SUMF1: variants seen among roughly 807,000 people sequenced by gnomAD.
SUMF1 encodes sulfatase modifying factor 1, also known as formylglycine-generating enzyme.
Under a neutral mutation model 47.6 loss-of-function variants are expected in SUMF1, and 48 were observed. That is an observed-to-expected ratio of 1.01 (90% confidence interval 0.80 to 1.28). The LOEUF is 1.28. Among genes scored for constraint, SUMF1 ranks in the 50% most tolerant of loss-of-function variants. The pLI is 0.00. For missense variants in SUMF1, 571 were observed against 485.4 expected, an observed-to-expected ratio of 1.18 and a Z score of -1.66; for synonymous variants, 230 against 192.1, an observed-to-expected ratio of 1.20 and a Z score of -1.63.
chr3:4,066,527 G>A (rs954339100), intron 9 of SUMF1, among the ~76,000 whole-genome samples: 5 of 151,958 alleles, frequency 3.3e-5, no homozygotes, highest in Non-Finnish European at 7.4e-5. Flanking sequence ...CGACCCTCAG[G>A]CTTCCCAGAT....
chr3:4,146,037 A>G (rs1352859576), intron 8 of SUMF1, among the ~76,000 whole-genome samples: 1 of 152,110 alleles, frequency 6.6e-6, no homozygotes, highest in Non-Finnish European at 1.5e-5. Flanking sequence ...GTGAAGCCCC[A>G]TTTATTCCAG....
rs554017576 is a variant in SUMF1 at position 4,455,696 on chromosome 3, G to A, written c.271-2647C>T. Among the ~76,000 whole-genome samples, 203 of 152,134 alleles carry A rather than the reference G, an allele frequency of 1.3e-3. 1 individual carries two copies. The highest frequency in any genetic ancestry group is 4.6e-3 in the African/African-American group (191 of 41,510). On this transcript the variant is annotated intron_variant, in intron 1 of 8. Transcript: ENST00000272902. ...TGCACCACTGTACTCCAGCCTGGGC[G>A]ACACAGCAAGACTCCGTTTCAAATA... is the stretch of plus-strand genomic sequence containing the variant.
At chr3:4,076,896 C>T (rs1024968510) in intron 8 of SUMF1, among the ~76,000 whole-genome samples, 15 of 151,832 alleles carry the variant, frequency 9.9e-5, no homozygotes, top group Admixed American at 2.0e-4. Flanking sequence ...CCCAGCTACT[C>T]GGGAGGCTGA....
Position 4,137,390 on chromosome 3 carries a change from C to T in SUMF1, c.1015-68645G>A, listed in dbSNP as rs112605726. Among the ~76,000 whole-genome samples the T allele has an allele frequency of 1.4e-3, 202 of 149,326 alleles. 2 individuals carry two copies. Among genetic ancestry groups the T allele is most frequent in the African/African-American group, 4.5e-3 (183 of 40,414 alleles). Reference sequence around the variant, plus strand: ...TGCAAGAACAAAAAACCAAACACCGCATGTTCTCACTCATAGGTGGGAATT... The same window carrying T: ...TGCAAGAACAAAAAACCAAACACCGTATGTTCTCACTCATAGGTGGGAATT... On this transcript the variant is annotated intron_variant and NMD_transcript_variant, in intron 8 of 12. Coordinates refer to the SUMF1 transcript ENST00000448413.
intron 1 of SUMF1, among the ~76,000 whole-genome samples, chr3:4,464,158 C>T (rs574819639): frequency 1.3e-5 from 2 of 152,312 alleles, no homozygotes; most frequent in African/African-American, 2.4e-5. Context: ...GCACACACCA[C>T]GCATTTCCAC....
chr3:4,378,571 T>C (rs9864595), intron 7 of SUMF1, among the ~76,000 whole-genome samples: 1 of 152,080 alleles, frequency 6.6e-6, no homozygotes, highest in Admixed American at 6.5e-5. Flanking sequence ...AAAAGCTACG[T>C]GTCAAAATAA....
chr3:4,193,451 G>T (rs1695363779), intron 8 of SUMF1, among the ~76,000 whole-genome samples: 1 of 152,124 alleles, frequency 6.6e-6, no homozygotes, highest in Non-Finnish European at 1.5e-5. Flanking sequence ...AGTGCAGGTG[G>T]ACTGGGGACA....
downstream of SUMF1, among the ~76,000 whole-genome samples, chr3:4,356,789 G>C (rs73121657): frequency 0.016 from 2,370 of 152,272 alleles, 59 homozygotes; most frequent in African/African-American, 0.053. Context: ...CTGGAAACTG[G>C]ATAACTGAGC....
intron 8 of SUMF1, among the ~76,000 whole-genome samples, chr3:4,093,310 C>G (rs990571900): frequency 2.0e-5 from 3 of 152,070 alleles, no homozygotes; most frequent in Non-Finnish European, 4.4e-5. Context: ...ATATGTCAAT[C>G]ACTCTTAGGC....
intron 8 of SUMF1, among the ~76,000 whole-genome samples, chr3:4,177,251 A>C (rs1310035838): frequency 6.6e-6 from 1 of 152,170 alleles, no homozygotes; most frequent in African/African-American, 2.4e-5. Context: ...TCTCAGTACC[A>C]CATCACAGTT....
Position 4,075,005 on chromosome 3 carries a change from T to C in SUMF1, c.1015-6260A>G, listed in dbSNP as rs946494985. Reference sequence around the variant, plus strand: ...CCTAACTCATTTTATGAGGCCAGCATCATCCTGATACCAAAGCCTGGCAGA... The same window carrying C: ...CCTAACTCATTTTATGAGGCCAGCACCATCCTGATACCAAAGCCTGGCAGA... On this transcript the variant is annotated intron_variant and NMD_transcript_variant, in intron 8 of 12. Coordinates refer to the SUMF1 transcript ENST00000448413. Among the ~76,000 whole-genome samples, 8 of 152,084 alleles carry C rather than the reference T, an allele frequency of 5.3e-5. 2 individuals carry two copies. Among genetic ancestry groups the C allele is most frequent in the African/African-American group, 1.7e-4 (7 of 41,360 alleles).
intron 8 of SUMF1, among the ~76,000 whole-genome samples, chr3:4,352,319 C>T (rs1699521040): frequency 6.6e-6 from 1 of 152,132 alleles, no homozygotes; most frequent in South Asian, 2.1e-4. Context: ...AACTACTCTG[C>T]AAATTAAATT....
intron 8 of SUMF1, among the ~76,000 whole-genome samples, chr3:4,105,976 C>G (rs1156951448): frequency 1.3e-5 from 2 of 151,932 alleles, no homozygotes; most frequent in Non-Finnish European, 2.9e-5. Flanking sequence ...GAAGATCTAT[C>G]CATGTTGGCA....
In SUMF1 at chr3:4,417,113, G is replaced by C. The variant is rs760878211; in HGVS notation, c.840+15C>G. 4 of 1,612,354 alleles carry C rather than the reference G, an allele frequency of 2.5e-6. No homozygotes were observed. Among genetic ancestry groups the C allele is most frequent in the Non-Finnish European group, 3.4e-6 (4 of 1,178,596 alleles). The stretch of plus-strand genomic sequence containing the variant: ...TCAGCAGCTGCCACCCTCCTGCAGA[G>C]GTCTCATTACTCACAGGCGCAGTTC... On this transcript the variant is annotated intron_variant, in intron 6 of 8. Coordinates refer to ENST00000272902, the MANE Select transcript of SUMF1 (RefSeq NM_182760.4).
rs141769600 is a variant in SUMF1 at position 4,300,916 on chromosome 3, T to A, written c.1014+75414A>T. 3.3e-5 allele frequency among the ~76,000 whole-genome samples: 5 copies of A among 152,228 alleles called. No homozygotes were observed. In the East Asian group the frequency reaches 9.6e-4, roughly 29 times the overall value. ...ACACACTCTAGCTCTCCTTCTCTTT[T>A]GGCCCTACATCAAAAGACTAGCATA... On this transcript the variant is annotated intron_variant and NMD_transcript_variant, in intron 8 of 12. Transcript: ENST00000448413.
At chr3:4,331,597 G>A (rs371086350) in intron 8 of SUMF1, among the ~76,000 whole-genome samples, 1 of 152,220 alleles carries the variant, frequency 6.6e-6, no homozygotes, top group African/African-American at 2.4e-5. Flanking sequence ...GGAGGCTGAA[G>A]TGGGTGGATC....
intron 8 of SUMF1, among the ~76,000 whole-genome samples, chr3:4,211,710 A>C: frequency 6.6e-6 from 1 of 152,268 alleles, no homozygotes; most frequent in South Asian, 2.1e-4. Flanking sequence ...CCACAATTAA[A>C]TATCACTTCA....
intron 8 of SUMF1, among the ~76,000 whole-genome samples, chr3:4,212,783 G>A (rs1484527491): frequency 2.6e-5 from 4 of 152,136 alleles, no homozygotes; most frequent in South Asian, 2.1e-4. Flanking sequence ...ATCAATAGCC[G>A]AATTGATCAA....
At chr3:4,204,290 TTAA>T (rs1553608741) in intron 8 of SUMF1, among the ~76,000 whole-genome samples, 1 of 152,126 alleles carries the variant, frequency 6.6e-6, no homozygotes, top group Non-Finnish European at 1.5e-5. Flanking sequence ...CTTTAGCACT[TTAA>T]ATATGTTAGC....
Sources: allele counts gnomAD v4.1 joint callset (sites outside exome capture counted in the v4.1 genomes callset), GRCh38; gene constraint gnomAD v4.1.1; transcripts MANE v1.5; gene names NCBI Gene and HGNC (gene_info 2026-07-23, HGNC 2026-07-21).